The following CNTNAP5 variants were observed in gnomAD, a reference collection of about 807,000 sequenced individuals.
CNTNAP5 encodes the protein contactin associated protein family member 5, also known as contactin-associated protein-like 5.
CNTNAP5 carries 72 observed loss-of-function variants against 150.2 expected under a neutral mutation model. The ratio of observed to expected loss-of-function variants is 0.48; its 90% CI spans 0.40 to 0.58. The LOEUF is 0.58. CNTNAP5 is among the 20% of genes least tolerant of loss of function. The pLI, the probability that CNTNAP5 is intolerant of heterozygous loss-of-function variation, is 0.00. For missense variants in CNTNAP5, 1,636 were observed against 1,626.2 expected (o/e 1.01, Z -0.10); for synonymous variants, 672 against 619.8 (o/e 1.08, Z -1.25).
intron 1 of CNTNAP5, among the ~76,000 whole-genome samples, chr2:124,082,976 T>C (rs1029686286): frequency 6.6e-6 from 1 of 152,244 alleles, no homozygotes; most frequent in Non-Finnish European, 1.5e-5. Flanking sequence ...TTTGCCCAGT[T>C]GTAACTGGAT....
chr2:124,610,416 A>G (rs888678171), intron 12 of CNTNAP5, among the ~76,000 whole-genome samples: 6 of 152,212 alleles, frequency 3.9e-5, no homozygotes, highest in Admixed American at 3.3e-4. Context: ...AGAATTAGAT[A>G]CAATCATGTG....
At chr2:124,164,932 A>T (rs557642014) in intron 1 of CNTNAP5, among the ~76,000 whole-genome samples, 1 of 152,194 alleles carries the variant, frequency 6.6e-6, no homozygotes, top group Non-Finnish European at 1.5e-5. Flanking sequence ...TGTGCAGGGA[A>T]ATGGGGAACC....
chr2:124,872,653 G>A (rs1056042659), intron 21 of CNTNAP5, among the ~76,000 whole-genome samples: 5 of 151,458 alleles, frequency 3.3e-5, no homozygotes, highest in South Asian at 2.1e-4. Context: ...AAGTCTTAGC[G>A]GAAATGTTGT....
chr2:124,836,974 C>T (rs1682842545), intron 19 of CNTNAP5, among the ~76,000 whole-genome samples: 1 of 152,064 alleles, frequency 6.6e-6, no homozygotes, highest in Admixed American at 6.6e-5. Context: ...CAGCATTCTA[C>T]TAGGAGCAAA....
intron 5 of CNTNAP5, among the ~76,000 whole-genome samples, chr2:124,437,368 A>G (rs977726198): frequency 4.6e-5 from 7 of 152,146 alleles, no homozygotes; most frequent in African/African-American, 9.6e-5. Context: ...AGGAAGACCT[A>G]TGGCATAAGT....
chr2:124,725,228 A>G (rs762636675), intron 13 of CNTNAP5, among the ~76,000 whole-genome samples: 2 of 151,876 alleles, frequency 1.3e-5, no homozygotes, highest in African/African-American at 2.4e-5. Flanking sequence ...CCATAATTTT[A>G]TTTTTTGTTT....
intron 2 of CNTNAP5, among the ~76,000 whole-genome samples, chr2:124,234,335 C>T (rs977760015): frequency 2.6e-5 from 4 of 151,942 alleles, no homozygotes; most frequent in Admixed American, 6.6e-5. Context: ...CAGCACTGGC[C>T]GATAGAAAAT....
At chr2:124,878,580 C>T (rs986089155) in intron 21 of CNTNAP5, among the ~76,000 whole-genome samples, 1 of 152,106 alleles carries the variant, frequency 6.6e-6, no homozygotes, top group Non-Finnish European at 1.5e-5. Context: ...ACTCTTCTCT[C>T]CCACTCTAGG....
intron 3 of CNTNAP5, among the ~76,000 whole-genome samples, chr2:124,283,976 A>G (rs897669389): frequency 6.6e-6 from 1 of 152,202 alleles, no homozygotes; most frequent in African/African-American, 2.4e-5. Flanking sequence ...GGAAGACACA[A>G]TTATTGAGAC....
At chr2:124,506,864 G>T (rs573042525) in intron 8 of CNTNAP5, among the ~76,000 whole-genome samples, 2 of 152,182 alleles carry the variant, frequency 1.3e-5, no homozygotes, top group Non-Finnish European at 2.9e-5. Flanking sequence ...CCATGGCAAG[G>T]TTCAATGGAG....
chr2:124,792,967 C>A (rs190119529), intron 18 of CNTNAP5, among the ~76,000 whole-genome samples: 26 of 152,298 alleles, frequency 1.7e-4, no homozygotes, highest in Admixed American at 1.5e-3. Flanking sequence ...GGTTTCATTT[C>A]TTTGGCTATT....
At chr2:124,521,778 AG>A (rs992555015) in intron 8 of CNTNAP5, among the ~76,000 whole-genome samples, 62 of 152,272 alleles carry the variant, frequency 4.1e-4, no homozygotes, top group African/African-American at 1.4e-3. Flanking sequence ...TGCAAGTGAA[AG>A]TTTTTAAAAA....
chr2:124,369,247 T>A (rs1346500907), intron 3 of CNTNAP5, among the ~76,000 whole-genome samples: 10 of 152,116 alleles, frequency 6.6e-5, no homozygotes, highest in Admixed American at 5.2e-4. Context: ...CTTTGTATAT[T>A]TTCATAGAAA....
intron 14 of CNTNAP5, among the ~76,000 whole-genome samples, chr2:124,748,047 G>C (rs879791446): frequency 6.6e-6 from 1 of 151,710 alleles, no homozygotes; most frequent in Non-Finnish European, 1.5e-5. Context: ...ATATGTTTTG[G>C]GGGGAGAGAG....
In CNTNAP5 at chr2:124,722,375, C is replaced by A. The variant is rs1177186528; in HGVS notation, c.2078-24854C>A. Among the ~76,000 whole-genome samples the A allele has an allele frequency of 3.3e-5, 5 of 152,090 alleles. No homozygotes were observed. The East Asian group carries it at 9.7e-4, about 29-fold the overall frequency. ...TTCTCCAGCTGTAAACCTGGGGGAGCAGACAAGCTATCTGCTTCCAAAATA... is the reference window on the plus strand; with the variant it reads ...TTCTCCAGCTGTAAACCTGGGGGAGAAGACAAGCTATCTGCTTCCAAAATA... On this transcript the variant is annotated intron_variant, in intron 13 of 23. Coordinates refer to ENST00000682447, the MANE Select transcript of CNTNAP5 (RefSeq NM_001367498.1).
chr2:124,661,195 C>G (rs1463779725), intron 13 of CNTNAP5, among the ~76,000 whole-genome samples: 1 of 151,940 alleles, frequency 6.6e-6, no homozygotes, highest in Non-Finnish European at 1.5e-5. Context: ...TTTACTGAAA[C>G]TTTTTTACTC....
intron 1 of CNTNAP5, among the ~76,000 whole-genome samples, chr2:124,069,084 C>T (rs1438382933): frequency 3.9e-5 from 6 of 152,184 alleles, no homozygotes; most frequent in Non-Finnish European, 7.4e-5. Context: ...ATTACTGGAC[C>T]TGTCTTGAGC....
chr2:124,607,549 A>C (rs1677276166), intron 11 of CNTNAP5, among the ~76,000 whole-genome samples: 1 of 152,218 alleles, frequency 6.6e-6, no homozygotes, highest in Admixed American at 6.5e-5. Flanking sequence ...TGATTTTGTC[A>C]GCAGAACATG....
chr2:124,341,545 G>C (rs968217631), intron 3 of CNTNAP5, among the ~76,000 whole-genome samples: 1 of 152,078 alleles, frequency 6.6e-6, no homozygotes, highest in African/African-American at 2.4e-5. Flanking sequence ...GACTAGGTTG[G>C]TCCAATTAAA....
Sources: allele counts gnomAD v4.1 joint callset (sites outside exome capture counted in the v4.1 genomes callset), GRCh38; gene constraint gnomAD v4.1.1; transcripts MANE v1.5; gene names NCBI Gene and HGNC (gene_info 2026-07-23, HGNC 2026-07-21).